Variants in SIPA1L1 observed in about 807,000 individuals in gnomAD.
The protein encoded by SIPA1L1 is signal induced proliferation associated 1 like 1, also known as signal-induced proliferation-associated 1-like protein 1.
A neutral mutation model predicts 162.7 loss-of-function variants in SIPA1L1; 26 were observed. The ratio of observed to expected loss-of-function variants is 0.16; its 90% CI spans 0.12 to 0.22. The LOEUF (loss-of-function observed/expected upper bound fraction) is 0.22, where lower values mean the gene tolerates loss of function less well. Ranked by LOEUF, SIPA1L1 falls within the 10% of genes least tolerant of loss-of-function variation. The pLI is 1.00. For missense variants in SIPA1L1, 1,874 were observed against 2,241.0 expected, an observed-to-expected ratio of 0.84 and a Z score of 3.31; for synonymous variants, 829 against 837.4, an observed-to-expected ratio of 0.99 and a Z score of 0.17.
chr14:71,679,112 G>A (rs2045523589), intron 12 of SIPA1L1, among the ~76,000 whole-genome samples: 1 of 152,038 alleles, frequency 6.6e-6, no homozygotes, highest in African/African-American at 2.4e-5. Flanking sequence ...CTCGAGAAGA[G>A]CAACTCCAAG....
intron 2 of SIPA1L1, among the ~76,000 whole-genome samples, chr14:71,460,072 A>G (rs1169508114): frequency 6.6e-6 from 1 of 152,232 alleles, no homozygotes; most frequent in Non-Finnish European, 1.5e-5. Context: ...ATGTCTCATG[A>G]TAAAGGAAAA....
At position 71,332,447 on chromosome 14, in the gene SIPA1L1, A is replaced by G. The variant is rs538716028; in HGVS notation, c.-465+11266A>G. 5.8e-4 allele frequency among the ~76,000 whole-genome samples: 89 copies of G among 152,210 alleles called. 1 individual carries two copies. Among genetic ancestry groups the G allele is most frequent in the Admixed American group, 1.2e-3 (19 of 15,300 alleles). On this transcript the variant is annotated intron_variant, in intron 2 of 23. Transcript: ENST00000381232. ...TGTTTATGGTCCTATATTAAATATT[A>G]TTTATATATATAGAGAGAAATAAAC...
intron 15 of SIPA1L1, among the ~76,000 whole-genome samples, chr14:71,702,769 C>CT (rs1210015913): frequency 6.6e-6 from 1 of 152,216 alleles, no homozygotes; most frequent in Non-Finnish European, 1.5e-5. Context: ...GACTACCAGA[C>CT]TAAGTACCTT....
At chr14:71,433,702 C>T (rs573166993) in intron 2 of SIPA1L1, among the ~76,000 whole-genome samples, 5 of 151,946 alleles carry the variant, frequency 3.3e-5, no homozygotes, top group African/African-American at 1.2e-4. Flanking sequence ...TTGTCAAAAT[C>T]GGAGTTTTAT....
intron 2 of SIPA1L1, among the ~76,000 whole-genome samples, chr14:71,510,986 A>G (rs1047887966): frequency 6.6e-6 from 1 of 152,020 alleles, no homozygotes; most frequent in Non-Finnish European, 1.5e-5. Flanking sequence ...TCATACAGAG[A>G]GTTTAGTATA....
chr14:71,399,183 A>G (rs2041467090), intron 2 of SIPA1L1, among the ~76,000 whole-genome samples: 1 of 152,232 alleles, frequency 6.6e-6, no homozygotes, highest in South Asian at 2.1e-4. Flanking sequence ...TCAGCTGTGA[A>G]CTTCTGCTTT....
intron 2 of SIPA1L1, among the ~76,000 whole-genome samples, chr14:71,479,131 C>T (rs1260033065): frequency 1.3e-5 from 2 of 152,072 alleles, no homozygotes; most frequent in Non-Finnish European, 2.9e-5. Context: ...AAAAGTGGGA[C>T]GCTCATTGCC....
intron 4 of SIPA1L1, among the ~76,000 whole-genome samples, chr14:71,541,335 T>C (rs943207595): frequency 6.6e-6 from 1 of 152,230 alleles, no homozygotes; most frequent in African/African-American, 2.4e-5. Context: ...CTAATGTTTA[T>C]TATATCTATA....
At chr14:71,357,103 G>A (rs1363158311) in intron 2 of SIPA1L1, among the ~76,000 whole-genome samples, 1 of 152,110 alleles carries the variant, frequency 6.6e-6, no homozygotes, top group Non-Finnish European at 1.5e-5. Context: ...CTCCTAGGGG[G>A]AAGTGCAGTG....
At chr14:71,560,276 T>C (rs2056681626) in intron 4 of SIPA1L1, among the ~76,000 whole-genome samples, 1 of 152,222 alleles carries the variant, frequency 6.6e-6, no homozygotes, top group South Asian at 2.1e-4. Context: ...AAATTAATTC[T>C]CCCACATAAA....
Position 71,573,253 on chromosome 14 carries a change from A to C in SIPA1L1, c.-302-14318A>C, listed in dbSNP as rs532618232. ...TTAAAAATAAAATAGCATTGCAGTAAGTATCTTTGGACAATTATTACAGAT... is the reference window on the plus strand; with the variant it reads ...TTAAAAATAAAATAGCATTGCAGTACGTATCTTTGGACAATTATTACAGAT... On this transcript the variant is annotated intron_variant, in intron 4 of 23. Coordinates refer to ENST00000381232, the MANE Select transcript of SIPA1L1 (RefSeq NM_001386936.1). Among the ~76,000 whole-genome samples, 7 of 152,354 alleles carry C rather than the reference A, an allele frequency of 4.6e-5. No individual in the cohort carries two copies. The East Asian group carries it at 1.2e-3, about 25-fold the overall frequency.
intron 10 of SIPA1L1, among the ~76,000 whole-genome samples, chr14:71,666,510 TAA>T (rs1270766291): frequency 6.6e-6 from 1 of 152,116 alleles, no homozygotes; most frequent in Non-Finnish European, 1.5e-5. Context: ...TTTGATGAAA[TAA>T]AAGAGTTGTT....
At chr14:71,678,314 C>T (rs2045423602) in intron 12 of SIPA1L1, among the ~76,000 whole-genome samples, 1 of 152,126 alleles carries the variant, frequency 6.6e-6, no homozygotes, top group Non-Finnish European at 1.5e-5. Flanking sequence ...AGATAAGTCC[C>T]ATCAATACAT....
At chr14:71,590,862 G>A (rs539792233) in intron 5 of SIPA1L1, among the ~76,000 whole-genome samples, 5 of 152,230 alleles carry the variant, frequency 3.3e-5, no homozygotes, top group African/African-American at 1.2e-4. Context: ...GTAGGATGTA[G>A]GATGCTTAGC....
At chr14:71,440,400 C>T (rs970920102) in intron 2 of SIPA1L1, among the ~76,000 whole-genome samples, 5 of 151,904 alleles carry the variant, frequency 3.3e-5, no homozygotes, top group Non-Finnish European at 5.9e-5. Flanking sequence ...TGCTTGTAAT[C>T]TCAGCATTTT....
At chr14:71,583,178 C>A (rs2034162247) in intron 4 of SIPA1L1, among the ~76,000 whole-genome samples, 1 of 152,128 alleles carries the variant, frequency 6.6e-6, no homozygotes, top group African/African-American at 2.4e-5. Context: ...TGTTTAAGAG[C>A]CTGGGTATTA....
intron 2 of SIPA1L1, among the ~76,000 whole-genome samples, chr14:71,381,955 A>G (rs778881797): frequency 1.3e-5 from 2 of 151,776 alleles, no homozygotes; most frequent in Non-Finnish European, 2.9e-5. Context: ...GCTTTATCCT[A>G]TTTTCTCTTT....
intron 4 of SIPA1L1, among the ~76,000 whole-genome samples, chr14:71,543,985 GTA>G (rs1331286481): frequency 2.0e-5 from 3 of 148,736 alleles, no homozygotes; most frequent in Non-Finnish European, 3.0e-5. Context: ...ACACGCACAT[GTA>G]TATATACACA....
At chr14:71,722,926 G>C (rs1473808945) in intron 17 of SIPA1L1, among the ~76,000 whole-genome samples, 1 of 152,110 alleles carries the variant, frequency 6.6e-6, no homozygotes, top group East Asian at 1.9e-4. Flanking sequence ...AGTAGAGACA[G>C]GGTTTCGCCA....
Sources: gnomAD v4.1 joint callset for allele counts (sites outside exome capture counted in the v4.1 genomes callset) on GRCh38, gnomAD v4.1.1 for gene constraint, MANE v1.5 for transcripts, NCBI Gene and HGNC (gene_info 2026-07-23, HGNC 2026-07-21) for gene names.